Variants in STARD3NL observed in about 807,000 individuals in gnomAD.
The protein encoded by STARD3NL is STARD3 N-terminal like.
Under a neutral mutation model 30.9 loss-of-function variants are expected in STARD3NL, and 17 were observed. The ratio of observed to expected loss-of-function variants is 0.55; its 90% CI spans 0.38 to 0.82. The LOEUF (loss-of-function observed/expected upper bound fraction) is 0.82. STARD3NL is among the 40% of genes least tolerant of loss of function. The pLI is 0.00. For synonymous variants in STARD3NL, 112 were observed against 100.5 expected, an observed-to-expected ratio of 1.11 and a Z score of -0.69; for missense variants, 234 against 277.6, an observed-to-expected ratio of 0.84 and a Z score of 1.12.
intron 1 of STARD3NL, among the ~76,000 whole-genome samples, chr7:38,188,028 C>T (rs925950014): frequency 6.6e-6 from 1 of 152,196 alleles, no homozygotes; most frequent in South Asian, 2.1e-4. Flanking sequence ...GTCAGTACGT[C>T]ATCTCTCTCC....
intron 1 of STARD3NL, among the ~76,000 whole-genome samples, chr7:38,188,665 A>G (rs1784560489): frequency 6.6e-6 from 1 of 152,240 alleles, no homozygotes; most frequent in Non-Finnish European, 1.5e-5. Context: ...TTCTTAAACC[A>G]TGTAGTTCAC....
chr7:38,220,430 C>G (rs916960078), intron 7 of STARD3NL, among the ~76,000 whole-genome samples: 2 of 152,140 alleles, frequency 1.3e-5, no homozygotes, highest in Admixed American at 1.3e-4. Flanking sequence ...AACAAGATAC[C>G]GCTTCATACC....
chr7:38,193,674 G>T (rs1784786650), intron 1 of STARD3NL, among the ~76,000 whole-genome samples: 1 of 152,200 alleles, frequency 6.6e-6, no homozygotes, highest in Non-Finnish European at 1.5e-5. Context: ...TGTCTGACTT[G>T]TGGGAGCGGT....
chr7:38,224,495 G>T (rs532926437), intron 7 of STARD3NL, among the ~76,000 whole-genome samples: 52 of 152,214 alleles, frequency 3.4e-4, no homozygotes, highest in African/African-American at 1.2e-3. Context: ...ATATTAAATG[G>T]AAAATTCCAG....
intron 1 of STARD3NL, among the ~76,000 whole-genome samples, chr7:38,197,142 T>TTCTTTCTTTCTTTC (rs1456386956): frequency 6.0e-5 from 8 of 132,774 alleles, no homozygotes; most frequent in African/African-American, 2.4e-4. Flanking sequence ...CCTTTTTTCT[T>TTCTTTCTTTCTTTC]TCTTTCTTTC....
intron 7 of STARD3NL, 115 bp from the exon 8 acceptor site, chr7:38,228,684 A>G (rs1583838663): frequency 6.4e-6 from 5 of 783,012 alleles, no homozygotes; most frequent in Non-Finnish European, 9.8e-6. Flanking sequence ...AGGATTAAAC[A>G]TATGTTTAAT....
intron 1 of STARD3NL, among the ~76,000 whole-genome samples, chr7:38,183,200 T>C (rs539998887): frequency 7.2e-5 from 11 of 152,342 alleles, no homozygotes; most frequent in African/African-American, 2.6e-4. Context: ...AAGACTTGCC[T>C]TGGGCATTGG....
intron 3 of STARD3NL, 126 bp from the exon 4 acceptor site, chr7:38,214,889 GCTGGTCTACAGAC>G: frequency 4.4e-6 from 3 of 675,080 alleles, no homozygotes; most frequent in Non-Finnish European, 7.5e-6. Context: ...ATTCCCAAAT[GCTGGTCTACAGAC>G]CAGTGCCAGT....
chr7:38,217,076 A>C lies in STARD3NL; in HGVS notation c.433A>C (p.Lys145Gln). ...TTTACTAGCAAAAGTGATCCTTTCG[A>C]AGGTATGGCCTACCACTTTTTCTAT... ...AFLLAKVILS[K>Q]LFSQGAFGYV... The change falls in exon 5 of 9, where the codon AAG (lysine) becomes CAG (glutamine). Residue 145 changes from lysine to glutamine, a missense_variant and splice_region_variant. Physicochemically the swap from Lys to Gln is moderately conservative, Grantham distance 53 (BLOSUM62 1). Coordinates refer to ENST00000009041, the MANE Select transcript of STARD3NL (RefSeq NM_032016.4). 3 of 1,614,050 alleles carry C rather than the reference A, an allele frequency of 1.9e-6. No individual in the cohort carries two copies. The highest frequency in any genetic ancestry group is 2.5e-6 in the Non-Finnish European group (3 of 1,179,950).
chr7:38,197,655 G>A (rs1583789551), intron 1 of STARD3NL, among the ~76,000 whole-genome samples: 2 of 152,248 alleles, frequency 1.3e-5, no homozygotes, highest in Middle Eastern at 6.8e-3. Context: ...AGTTTTCCAG[G>A]TCTTGTTAGC....
chr7:38,217,131 G>A (rs757371719), intron 5 of STARD3NL, 53 bp downstream of exon 5: 31 of 1,613,506 alleles, frequency 1.9e-5, no homozygotes, highest in African/African-American at 1.5e-4. Context: ...ATGAAGCCTC[G>A]TTTTTCAGTG....
chr7:38,184,969 A>C (rs998261572), intron 1 of STARD3NL, among the ~76,000 whole-genome samples: 5 of 151,898 alleles, frequency 3.3e-5, no homozygotes, highest in Non-Finnish European at 7.4e-5. Context: ...GAAATTAAAG[A>C]GATCCTACTA....
intron 1 of STARD3NL, among the ~76,000 whole-genome samples, chr7:38,204,560 A>G (rs1051863827): frequency 3.5e-4 from 53 of 152,296 alleles, no homozygotes; most frequent in African/African-American, 1.2e-3. Flanking sequence ...ACACCCTAAC[A>G]TCACAATTAA....
At chr7:38,198,742 T>A (rs1283309888) in intron 1 of STARD3NL, among the ~76,000 whole-genome samples, 1 of 152,086 alleles carries the variant, frequency 6.6e-6, no homozygotes, top group African/African-American at 2.4e-5. Context: ...GCTGAGAGAT[T>A]GTGGGGCTCC....
At chr7:38,222,629 CTTTCTAG>C (rs1268968193) in intron 7 of STARD3NL, among the ~76,000 whole-genome samples, 1 of 152,200 alleles carries the variant, frequency 6.6e-6, no homozygotes, top group Non-Finnish European at 1.5e-5. Flanking sequence ...CCTCATCAAA[CTTTCTAG>C]TTCTGGGATC....
chr7:38,190,044 T>G (rs112611785), intron 1 of STARD3NL, among the ~76,000 whole-genome samples: 1 of 152,244 alleles, frequency 6.6e-6, no homozygotes, highest in Non-Finnish European at 1.5e-5. Flanking sequence ...TGCTATACAA[T>G]AGTTACCTCT....
chr7:38,191,464 A>G (rs1026024709), intron 1 of STARD3NL, among the ~76,000 whole-genome samples: 1 of 151,274 alleles, frequency 6.6e-6, no homozygotes, highest in Non-Finnish European at 1.5e-5. Context: ...AAATCTTTGC[A>G]AAAAATATTG....
Position 38,183,203 on chromosome 7 carries a change from G to T in STARD3NL, c.-59+4783G>T, listed in dbSNP as rs1162749485. ...GGAACACCAGCCAAGACTTGCCTTG[G>T]GCATTGGTGGTAATAACTGATGCAT... On this transcript the variant is annotated intron_variant, in intron 1 of 8. Coordinates refer to ENST00000009041, the MANE Select transcript of STARD3NL (RefSeq NM_032016.4). Among the ~76,000 whole-genome samples the T allele has an allele frequency of 2.0e-5, 3 of 152,144 alleles. No individual in the cohort carries two copies. The East Asian group carries it at 5.8e-4, about 29-fold the overall frequency.
intron 1 of STARD3NL, among the ~76,000 whole-genome samples, chr7:38,191,293 C>T (rs1784675762): frequency 6.6e-6 from 1 of 152,074 alleles, no homozygotes; most frequent in Admixed American, 6.5e-5. Flanking sequence ...ACAATATTAC[C>T]ATGGACTCAT....
Sources: gnomAD v4.1 joint callset for allele counts (sites outside exome capture counted in the v4.1 genomes callset) on GRCh38, gnomAD v4.1.1 for gene constraint, MANE v1.5 for transcripts, NCBI Gene and HGNC (gene_info 2026-07-23, HGNC 2026-07-21) for gene names.